Variants in SECISBP2 observed in about 807,000 individuals in gnomAD.
The protein encoded by SECISBP2 is selenocysteine insertion sequence-binding protein 2.
Under a neutral mutation model 98.2 loss-of-function variants are expected in SECISBP2, and 96 were observed. The ratio of observed to expected loss-of-function variants is 0.98; its 90% confidence interval spans 0.83 to 1.16. SECISBP2 has a LOEUF of 1.16. Ranked by LOEUF, SECISBP2 falls within the 50% of genes most tolerant of loss-of-function variation. The pLI is 0.00. For synonymous variants in SECISBP2, 407 were observed against 370.2 expected (o/e 1.10, Z -1.14); for missense variants, 1,046 against 1,022.9 (o/e 1.02, Z -0.31).
intron 10 of SECISBP2, among the ~76,000 whole-genome samples, 171 bp downstream of exon 10, chr9:89,341,650 C>G (rs892497235): frequency 3.3e-5 from 5 of 152,212 alleles, no homozygotes; most frequent in African/African-American, 1.2e-4. Context: ...GAAATAAATT[C>G]ATGGATCTGT....
downstream of SECISBP2, chr9:89,363,333 C>T (rs1302030011): frequency 6.5e-7 from 1 of 1,536,834 alleles, no homozygotes; most frequent in Non-Finnish European, 8.8e-7. Flanking sequence ...CAAGTGGGGT[C>T]CATGCTGAAT....
Position 89,341,522 on chromosome 9 carries a change from T to A in SECISBP2, c.1435+43T>A, listed in dbSNP as rs139473295. 1.7e-3 allele frequency: 2,678 copies of A among 1,610,372 alleles called. 35 individuals carry two copies. In the African/African-American group the frequency reaches 0.031, roughly 19 times the overall value. Reference sequence around the variant, plus strand: ...TCTCAGGCAAGTGATTGGAAGTCTTTTTCAGCTAGATTATTATGTTACCAT... The same window carrying A: ...TCTCAGGCAAGTGATTGGAAGTCTTATTCAGCTAGATTATTATGTTACCAT... On this transcript the variant is annotated intron_variant, in intron 10 of 16. Transcript: ENST00000375807.
chr9:89,363,368 T>C, downstream of SECISBP2: 1 of 1,593,632 alleles, frequency 6.3e-7, no homozygotes, highest in Non-Finnish European at 8.5e-7. Flanking sequence ...ATCCACTGGA[T>C]GTGGCAGGTG....
chr9:89,341,319 A>G (rs748953359), intron 9 of SECISBP2, 28 bp from the exon 10 acceptor site: 2 of 1,602,150 alleles, frequency 1.2e-6, no homozygotes, highest in East Asian at 4.5e-5. Context: ...TAGTTTTATA[A>G]GTAAACTTAC....
intron 11 of SECISBP2, among the ~76,000 whole-genome samples, chr9:89,347,484 T>C (rs1407526238): frequency 6.8e-6 from 1 of 146,628 alleles, no homozygotes; most frequent in African/African-American, 2.5e-5. Flanking sequence ...TTTTTTTTTT[T>C]TTTTTGAGAC....
chr9:89,334,845 A>G, intron 7 of SECISBP2, 115 bp downstream of exon 7: 3 of 781,040 alleles, frequency 3.8e-6, no homozygotes, highest in Non-Finnish European at 6.6e-6. Flanking sequence ...AGGGGAAATG[A>G]GTTTCTGAAG....
chr9:89,342,070 A>T (rs924993847), intron 10 of SECISBP2, among the ~76,000 whole-genome samples: 14 of 152,346 alleles, frequency 9.2e-5, no homozygotes, highest in Non-Finnish European at 1.8e-4. Flanking sequence ...TAATATTCAA[A>T]TATTTAGGAA....
intron 5 of SECISBP2, 115 bp from the exon 6 acceptor site, chr9:89,332,793 A>G: frequency 3.6e-6 from 3 of 833,506 alleles, no homozygotes. Context: ...TTTCATTCTT[A>G]CCAGCAATGG....
At chr9:89,325,705 C>T (rs752242108) in intron 3 of SECISBP2, 29 bp downstream of exon 3, 5 of 1,613,780 alleles carry the variant, frequency 3.1e-6, no homozygotes, top group Admixed American at 1.7e-5. Context: ...TTGTTGTGTC[C>T]TTTAGTTGGT....
At chr9:89,351,279 C>A (rs1258515435) in intron 14 of SECISBP2, among the ~76,000 whole-genome samples, 2 of 152,222 alleles carry the variant, frequency 1.3e-5, no homozygotes, top group African/African-American at 2.4e-5. Flanking sequence ...TTGCTTGTTA[C>A]AGATGTGGCT....
intron 10 of SECISBP2, among the ~76,000 whole-genome samples, 169 bp from the exon 11 acceptor site, chr9:89,346,713 A>G (rs1830468428): frequency 6.6e-6 from 1 of 152,238 alleles, no homozygotes; most frequent in Non-Finnish European, 1.5e-5. Flanking sequence ...AATGAAAAGA[A>G]TGTGTAAGAG....
At chr9:89,364,139 G>C (rs1833205170), downstream of SECISBP2, 6 of 1,241,034 alleles carry the variant, frequency 4.8e-6, no homozygotes, top group South Asian at 7.4e-5. Context: ...CTTGGCCTTG[G>C]CCCGTCCTGT....
At chr9:89,333,335 G>T (rs1235013073) in intron 6 of SECISBP2, among the ~76,000 whole-genome samples, 1 of 152,188 alleles carries the variant, frequency 6.6e-6, no homozygotes, top group Non-Finnish European at 1.5e-5. Context: ...TTATTTGGGT[G>T]ATACCTGTCA....
At chr9:89,347,465 C>CTTTTTT (rs1184563393) in intron 11 of SECISBP2, among the ~76,000 whole-genome samples, 9 of 87,398 alleles carry the variant, frequency 1.0e-4, no homozygotes, top group Non-Finnish European at 1.5e-4. Context: ...CCGGTGAATT[C>CTTTTTT]TTTTTTTTTT....
intron 10 of SECISBP2, among the ~76,000 whole-genome samples, chr9:89,345,891 T>G (rs1830351602): frequency 6.6e-6 from 1 of 152,260 alleles, no homozygotes; most frequent in African/African-American, 2.4e-5. Flanking sequence ...TGGAAGCAGC[T>G]GTGCTCACTA....
chr9:89,335,585 C>T (rs1828527687), intron 7 of SECISBP2, among the ~76,000 whole-genome samples: 1 of 152,178 alleles, frequency 6.6e-6, no homozygotes, highest in East Asian at 1.9e-4. Flanking sequence ...TCCACCTCGG[C>T]CTCCCAAAGT....
chr9:89,339,458 G>A (rs377511876), intron 8 of SECISBP2, among the ~76,000 whole-genome samples: 10 of 152,266 alleles, frequency 6.6e-5, no homozygotes, highest in African/African-American at 2.4e-4. Flanking sequence ...TGGTTTTTTA[G>A]CAGGCCTGTT....
downstream of SECISBP2, chr9:89,362,256 G>C (rs533431297): frequency 8.2e-5 from 113 of 1,378,310 alleles, no homozygotes; most frequent in African/African-American, 1.3e-3. Flanking sequence ...CCCATCAGGT[G>C]GTGGCCCAAT....
chr9:89,339,428 A>G (rs1023945206), intron 8 of SECISBP2, among the ~76,000 whole-genome samples: 12 of 152,234 alleles, frequency 7.9e-5, no homozygotes, highest in Admixed American at 6.5e-4. Flanking sequence ...TGACATAGGC[A>G]TTTTTAAGTG....
Sources: gnomAD v4.1 joint callset for allele counts (sites outside exome capture counted in the v4.1 genomes callset) on GRCh38, gnomAD v4.1.1 for gene constraint, MANE v1.5 for transcripts, NCBI Gene and HGNC (gene_info 2026-07-23, HGNC 2026-07-21) for gene names.